SLC24A3: variants seen among roughly 807,000 people sequenced by gnomAD.
SLC24A3 encodes the protein sodium/potassium/calcium exchanger 3.
In SLC24A3, 28 loss-of-function variants were observed where a neutral mutation model predicts 75.8. That is an observed-to-expected ratio of 0.37 (90% CI 0.27 to 0.51). SLC24A3 has a LOEUF of 0.51. SLC24A3 is among the 20% of genes least tolerant of loss of function. The pLI is 0.94. For synonymous variants in SLC24A3, 372 were observed against 334.1 expected, an observed-to-expected ratio of 1.11 and a Z score of -1.24; for missense variants, 663 against 847.8, an observed-to-expected ratio of 0.78 and a Z score of 2.71.
At chr20:19,515,414 C>A in intron 2 of SLC24A3, 74 bp from the exon 3 acceptor site, 2 of 1,425,448 alleles carry the variant, frequency 1.4e-6, no homozygotes, top group Non-Finnish European at 2.0e-6. Flanking sequence ...CATGTTAAAA[C>A]CAAGACTCCC....
rs1464492450 is a variant in SLC24A3, at chr20:19,721,876, T to A, written c.*736T>A. 1 of 152,448 alleles carries A rather than the reference T, an allele frequency of 6.6e-6. No homozygotes were observed. Among genetic ancestry groups the A allele is most frequent in the Non-Finnish European group, 1.5e-5 (1 of 68,054 alleles). The allele number at this position is 152,448 out of a possible 1,614,324, so 9.4% of individuals were successfully genotyped here. On this transcript the variant is annotated 3_prime_UTR_variant, in exon 17 of 17. Transcript: ENST00000328041. ...TATAGCCAAGGACGCCTCGCTAAAG[T>A]CTTATGGGCGTCCCCTGGGGTTGGG...
intron 1 of SLC24A3, among the ~76,000 whole-genome samples, chr20:19,227,371 G>A (rs144872745): frequency 5.0e-4 from 74 of 147,884 alleles, no homozygotes; most frequent in Middle Eastern, 3.5e-3. Flanking sequence ...TTACTTTGCC[G>A]TATTTCAAAA....
intron 15 of SLC24A3, 113 bp downstream of exon 15, chr20:19,698,793 T>C (rs1466242765): frequency 1.3e-6 from 1 of 779,180 alleles, no homozygotes; most frequent in African/African-American, 1.7e-5. Context: ...GAAATCGTAA[T>C]ATTGAGGGGG....
chr20:19,603,922 C>T (rs1348998904), intron 6 of SLC24A3, among the ~76,000 whole-genome samples: 5 of 152,176 alleles, frequency 3.3e-5, no homozygotes, highest in African/African-American at 7.2e-5. Context: ...CCATCATTCA[C>T]GTGTCTCTGT....
intron 2 of SLC24A3, among the ~76,000 whole-genome samples, chr20:19,410,536 C>A (rs1275229746): frequency 6.6e-6 from 1 of 151,942 alleles, no homozygotes; most frequent in Non-Finnish European, 1.5e-5. Flanking sequence ...CATGAGATGA[C>A]AAAATGGCAG....
intron 3 of SLC24A3, among the ~76,000 whole-genome samples, chr20:19,558,733 T>C (rs1173761388): frequency 6.6e-6 from 1 of 152,196 alleles, no homozygotes; most frequent in African/African-American, 2.4e-5. Flanking sequence ...GTACATGGTG[T>C]TGATATGCCT....
intron 6 of SLC24A3, among the ~76,000 whole-genome samples, chr20:19,614,174 T>G (rs1475559805): frequency 1.3e-5 from 2 of 152,234 alleles, no homozygotes; most frequent in Admixed American, 6.5e-5. Flanking sequence ...GACTAAAATC[T>G]ATCTTTACCA....
chr20:19,629,481 G>A (rs1226774617), intron 6 of SLC24A3, among the ~76,000 whole-genome samples: 1 of 152,024 alleles, frequency 6.6e-6, no homozygotes, highest in East Asian at 1.9e-4. Flanking sequence ...AGGACAGAGA[G>A]CCTATTTGAA....
intron 9 of SLC24A3, among the ~76,000 whole-genome samples, chr20:19,678,596 G>A (rs1272313996): frequency 6.9e-6 from 1 of 145,966 alleles, no homozygotes; most frequent in Non-Finnish European, 1.5e-5. Flanking sequence ...GCTGGGCAGA[G>A]GCGCCCCTCA....
chr20:19,336,322 T>C (rs1162712594), intron 2 of SLC24A3, among the ~76,000 whole-genome samples: 1 of 152,216 alleles, frequency 6.6e-6, no homozygotes, highest in Non-Finnish European at 1.5e-5. Context: ...CTGTTTGACC[T>C]GCCAAGCCTA....
intron 6 of SLC24A3, among the ~76,000 whole-genome samples, chr20:19,600,203 G>C (rs2122652658): frequency 6.6e-6 from 1 of 152,246 alleles, no homozygotes; most frequent in South Asian, 2.1e-4. Context: ...CCCAGCTCCA[G>C]CTCCAGACCC....
chr20:19,220,424 T>C (rs1347114438), intron 1 of SLC24A3, among the ~76,000 whole-genome samples: 1 of 152,204 alleles, frequency 6.6e-6, no homozygotes. Flanking sequence ...TGCCATGGAA[T>C]TGAACCCACA....
At chr20:19,275,048 G>T (rs1485141596) in intron 1 of SLC24A3, among the ~76,000 whole-genome samples, 2 of 152,188 alleles carry the variant, frequency 1.3e-5, no homozygotes, top group Non-Finnish European at 1.5e-5. Flanking sequence ...TCTGCAAATG[G>T]GAGGCTGTTG....
intron 2 of SLC24A3, among the ~76,000 whole-genome samples, chr20:19,286,423 G>A (rs1038638176): frequency 4.6e-5 from 7 of 152,084 alleles, no homozygotes; most frequent in Non-Finnish European, 1.0e-4. Context: ...ACAGTGTCAG[G>A]ATCCCACTGT....
intron 2 of SLC24A3, among the ~76,000 whole-genome samples, chr20:19,423,927 T>C (rs1986957714): frequency 6.6e-6 from 1 of 151,992 alleles, no homozygotes; most frequent in Non-Finnish European, 1.5e-5. Context: ...GGGAGGGGTG[T>C]GCAGGAAAGG....
chr20:19,490,325 A>G lies in SLC24A3; in HGVS notation c.272-25163A>G, dbSNP rs568230303. Among the ~76,000 whole-genome samples, 4 of 152,330 alleles carry G rather than the reference A, an allele frequency of 2.6e-5. No homozygotes were observed. The East Asian group carries it at 7.7e-4, about 29-fold the overall frequency. ...AAACAGAAACTCTCTCAGGCTCGTG[A>G]GAAATCTGGCAGTTGAAAAATGTCT... On this transcript the variant is annotated intron_variant, in intron 2 of 16. Transcript: ENST00000328041.
chr20:19,444,958 C>T (rs6112387), intron 2 of SLC24A3, among the ~76,000 whole-genome samples: 9,646 of 151,754 alleles, frequency 0.064, 967 homozygotes, highest in African/African-American at 0.21. Flanking sequence ...TTTTCTGATA[C>T]GTGCATTCAC....
rs1555783095 is a variant in SLC24A3, at chr20:19,239,132, A to AAC, written c.142+26149_142+26150insCA. Among the ~76,000 whole-genome samples, 3 of 150,942 alleles carry AAC rather than the reference A, an allele frequency of 2.0e-5. No individual in the cohort carries two copies. In the East Asian group the frequency reaches 5.8e-4, roughly 29 times the overall value. On this transcript the variant is annotated intron_variant, in intron 1 of 16. Coordinates refer to ENST00000328041, the MANE Select transcript of SLC24A3 (RefSeq NM_020689.4). ...GAAAAGCTTATTTTAAAAAAAAAAA[A>AAC]AAAAAACAACACAGAGTAAGAATGA...
chr20:19,697,862 AG>A (rs976031493), intron 14 of SLC24A3, among the ~76,000 whole-genome samples: 1 of 152,158 alleles, frequency 6.6e-6, no homozygotes, highest in Non-Finnish European at 1.5e-5. Context: ...CCTTTCCATA[AG>A]GGTGTCTCAG....
Sources: allele counts gnomAD v4.1 joint callset (sites outside exome capture counted in the v4.1 genomes callset), GRCh38; gene constraint gnomAD v4.1.1; transcripts MANE v1.5; gene names NCBI Gene and HGNC (gene_info 2026-07-23, HGNC 2026-07-21).